Variants in EFHD1 observed in about 807,000 individuals in gnomAD.
EFHD1 encodes EF-hand domain family member D1.
EFHD1 carries 10 observed loss-of-function variants against 17.2 expected under a neutral mutation model. The ratio of observed to expected loss-of-function variants is 0.58; its 90% CI spans 0.36 to 0.99. The LOEUF (loss-of-function observed/expected upper bound fraction) is 0.99, where lower values mean the gene tolerates loss of function less well. Among genes scored for constraint, EFHD1 ranks in the 50% least tolerant of loss-of-function variants. The pLI, the probability that EFHD1 is intolerant of heterozygous loss-of-function variation, is 0.01. For synonymous variants in EFHD1, 153 were observed against 142.0 expected, an observed-to-expected ratio of 1.08 and a Z score of -0.55; for missense variants, 310 against 327.5, an observed-to-expected ratio of 0.95 and a Z score of 0.41.
intron 3 of EFHD1, among the ~76,000 whole-genome samples, chr2:232,680,819 T>C (rs1192971828): frequency 6.6e-6 from 1 of 151,196 alleles, no homozygotes; most frequent in Non-Finnish European, 1.5e-5. Flanking sequence ...CAGGGAGAAA[T>C]GTATTTTAAA....
chr2:232,612,733 T>C (rs1214928358), intron 1 of EFHD1, among the ~76,000 whole-genome samples: 2 of 142,692 alleles, frequency 1.4e-5, no homozygotes, highest in Non-Finnish European at 3.0e-5. Context: ...TTTTTTCTTT[T>C]CTTTTTTTTT....
intron 2 of EFHD1, among the ~76,000 whole-genome samples, chr2:232,672,064 A>AG (rs1421098692): frequency 2.0e-5 from 3 of 152,184 alleles, no homozygotes; most frequent in Non-Finnish European, 4.4e-5. Flanking sequence ...TCAAAAAAAA[A>AG]AAAAAAGTTT....
intron 1 of EFHD1, among the ~76,000 whole-genome samples, chr2:232,640,527 A>AT (rs1417961972): frequency 6.6e-6 from 1 of 152,052 alleles, no homozygotes; most frequent in Non-Finnish European, 1.5e-5. Context: ...TCACTCATTC[A>AT]TTTTTTCATT....
At chr2:232,672,260 AAT>A (rs1235915817) in intron 2 of EFHD1, 47 bp from the exon 3 acceptor site, 2 of 1,613,222 alleles carry the variant, frequency 1.2e-6, no homozygotes, top group Non-Finnish European at 8.5e-7. Context: ...GCTGGTTATG[AAT>A]CTGTCAGTGA....
chr2:232,625,152 A>G (rs1211217141), intron 1 of EFHD1, among the ~76,000 whole-genome samples: 1 of 152,138 alleles, frequency 6.6e-6, no homozygotes, highest in Non-Finnish European at 1.5e-5. Flanking sequence ...TTTTTGAGAC[A>G]AAGTCTCACT....
rs769906427 is a variant in EFHD1 at position 232,662,928 on chromosome 2, T to C, written c.429T>C (p.Asp143=). Residue 143 remains aspartate, a synonymous_variant, in exon 2 of 4, where the codon GAT becomes GAC. Coordinates refer to ENST00000264059, the MANE Select transcript of EFHD1 (RefSeq NM_025202.4). ...TCAAGGAGGTGGATGAGGACTTCGA[T>C]GGCAAGCTCAGCTTCCGGGAGGTAC... ...SMIKEVDEDF[D]GKLSFREFLL... is the part of the protein sequence containing the mutation. 7 of 1,589,522 alleles carry C rather than the reference T, an allele frequency of 4.4e-6. No homozygotes were observed. The highest frequency in any genetic ancestry group is 6.0e-6 in the Non-Finnish European group (7 of 1,170,874).
chr2:232,632,303 T>G (rs531057203), upstream of EFHD1, among the ~76,000 whole-genome samples: 1 of 152,234 alleles, frequency 6.6e-6, no homozygotes, highest in Non-Finnish European at 1.5e-5. Flanking sequence ...TTTTTAAAAA[T>G]AACATTTTAA....
intron 2 of EFHD1, among the ~76,000 whole-genome samples, chr2:232,669,873 A>C (rs1695038032): frequency 2.6e-5 from 4 of 151,862 alleles, no homozygotes; most frequent in Non-Finnish European, 5.9e-5. Context: ...TGCTGGGATT[A>C]CAGGCGTGAG....
At chr2:232,654,562 A>G (rs1178838494) in intron 1 of EFHD1, among the ~76,000 whole-genome samples, 1 of 151,714 alleles carries the variant, frequency 6.6e-6, no homozygotes, top group Non-Finnish European at 1.5e-5. Flanking sequence ...CTGGGATTAC[A>G]GGTGTGGGTA....
Position 232,623,679 on chromosome 2 carries a change from AAAAAAAAAAAAAAAAG to A in EFHD1, c.14+17509_14+17524del, listed in dbSNP as rs1276448065. Among the ~76,000 whole-genome samples, 20 of 122,102 alleles carry A rather than the reference AAAAAAAAAAAAAAAAG, an allele frequency of 1.6e-4. No homozygotes were observed. The East Asian group carries it at 2.9e-3, about 18-fold the overall frequency. The allele number at this position is 122,102 out of a possible 152,430, so 80.1% of individuals were successfully genotyped here. A position where few individuals can be genotyped will look rare whatever the true frequency, so the allele number is the denominator to read the frequency against. ...GACAGAGTGAGTCTCTGTCCAAAAA[AAAAAAAAAAAAAAAAG>A]AAGAAGAAGAAGAAGAAGAAGAAAG... On this transcript the variant is annotated intron_variant, in intron 1 of 3. Coordinates refer to the EFHD1 transcript ENST00000409613.
intron 1 of EFHD1, among the ~76,000 whole-genome samples, chr2:232,623,892 T>C (rs1271222670): frequency 6.6e-6 from 1 of 151,886 alleles, no homozygotes; most frequent in Non-Finnish European, 1.5e-5. Flanking sequence ...TGCAGGCCTG[T>C]GCAGAGAAGG....
chr2:232,654,122 A>G (rs1279336287), intron 1 of EFHD1, among the ~76,000 whole-genome samples: 1 of 150,768 alleles, frequency 6.6e-6, no homozygotes, highest in Non-Finnish European at 1.5e-5. Context: ...CATGAGAATC[A>G]CTTGAACCCG....
upstream of EFHD1, among the ~76,000 whole-genome samples, chr2:232,632,044 TTTAA>T (rs776022440): frequency 2.8e-4 from 42 of 151,390 alleles, no homozygotes; most frequent in Non-Finnish European, 4.9e-4. Context: ...TTAAAAAAAG[TTTAA>T]TTACACAAAA....
chr2:232,640,635 C>G (rs62191638), intron 1 of EFHD1, among the ~76,000 whole-genome samples: 11 of 152,144 alleles, frequency 7.2e-5, no homozygotes, highest in Non-Finnish European at 1.5e-5. Flanking sequence ...TGACAGCAAG[C>G]TGGATGTAAC....
intron 1 of EFHD1, among the ~76,000 whole-genome samples, chr2:232,659,051 T>A (rs1444529424): frequency 6.6e-6 from 1 of 151,896 alleles, no homozygotes; most frequent in Non-Finnish European, 1.5e-5. Context: ...CCTGGGCTGG[T>A]GCATCTGTGA....
At chr2:232,607,474 AC>A (rs1175227201) in intron 1 of EFHD1, among the ~76,000 whole-genome samples, 1 of 150,668 alleles carries the variant, frequency 6.6e-6, no homozygotes, top group Non-Finnish European at 1.5e-5. Flanking sequence ...GGCAACTGTT[AC>A]CCCAGATACT....
intron 3 of EFHD1, among the ~76,000 whole-genome samples, chr2:232,674,592 C>T (rs951612565): frequency 4.6e-5 from 7 of 152,024 alleles, no homozygotes; most frequent in Admixed American, 2.0e-4. Context: ...TCTTACAGCT[C>T]GTTATGTTTA....
At chr2:232,615,096 C>G (rs149162265) in intron 1 of EFHD1, among the ~76,000 whole-genome samples, 9 of 152,078 alleles carry the variant, frequency 5.9e-5, no homozygotes, top group Admixed American at 2.6e-4. Context: ...CTCAAGCAAT[C>G]CTCCCACCTT....
chr2:232,620,361 C>G, intron 1 of EFHD1, among the ~76,000 whole-genome samples: 1 of 148,234 alleles, frequency 6.7e-6, no homozygotes, highest in Non-Finnish European at 1.5e-5. Flanking sequence ...GCAGTCCGGC[C>G]TGGGCGACAA....
Sources: allele counts gnomAD v4.1 joint callset (sites outside exome capture counted in the v4.1 genomes callset), GRCh38; gene constraint gnomAD v4.1.1; transcripts MANE v1.5; gene names NCBI Gene and HGNC (gene_info 2026-07-23, HGNC 2026-07-21).